AP2B1: variants seen among roughly 807,000 people sequenced by gnomAD.
The protein encoded by AP2B1 is AP-2 complex subunit beta.
A neutral mutation model predicts 102.0 loss-of-function variants in AP2B1; 23 were observed. The observed-to-expected ratio is 0.23, with a 90% CI of 0.16 to 0.32. AP2B1 has a LOEUF of 0.32. Ranked by LOEUF, AP2B1 falls within the 10% of genes least tolerant of loss-of-function variation. AP2B1 has a pLI of 1.00. For missense variants in AP2B1, 541 were observed against 1,157.4 expected, an observed-to-expected ratio of 0.47 and a Z score of 7.73; for synonymous variants, 381 against 421.2, an observed-to-expected ratio of 0.90 and a Z score of 1.17.
At chr17:35,609,173 A>T (rs530165083) in intron 5 of AP2B1, among the ~76,000 whole-genome samples, 54 of 152,256 alleles carry the variant, frequency 3.5e-4, no homozygotes, top group African/African-American at 1.3e-3. Flanking sequence ...CCTTTTAAAA[A>T]TTATTTATCT....
intron 16 of AP2B1, among the ~76,000 whole-genome samples, chr17:35,672,371 T>A (rs971453398): frequency 8.5e-5 from 13 of 152,224 alleles, no homozygotes; most frequent in African/African-American, 2.9e-4. Flanking sequence ...TCACTGGGGC[T>A]CTTCTTGTCT....
chr17:35,621,271 CT>C (rs996546917), intron 5 of AP2B1: 1 of 983,314 alleles, frequency 1.0e-6, no homozygotes, highest in African/African-American at 1.7e-5. Flanking sequence ...CTTTAAGATA[CT>C]TTAGATTCAG....
intron 5 of AP2B1, among the ~76,000 whole-genome samples, chr17:35,614,860 A>G (rs1425793841): frequency 6.6e-6 from 1 of 152,098 alleles, no homozygotes; most frequent in Non-Finnish European, 1.5e-5. Flanking sequence ...AGCAGTATGT[A>G]TTTTGACTAT....
intron 14 of AP2B1, among the ~76,000 whole-genome samples, chr17:35,668,347 A>G (rs1490390923): frequency 6.6e-6 from 1 of 152,092 alleles, no homozygotes; most frequent in Non-Finnish European, 1.5e-5. Flanking sequence ...CAGTGTTTTC[A>G]ACCTTGGCTG....
intron 13 of AP2B1, among the ~76,000 whole-genome samples, chr17:35,652,875 A>G (rs1301355991): frequency 6.6e-6 from 1 of 152,222 alleles, no homozygotes; most frequent in African/African-American, 2.4e-5. Context: ...AGAAGATGAC[A>G]GAATTTCATG....
intron 18 of AP2B1, among the ~76,000 whole-genome samples, chr17:35,684,768 C>T (rs2075895902): frequency 6.6e-6 from 1 of 152,162 alleles, no homozygotes; most frequent in Non-Finnish European, 1.5e-5. Context: ...CCATTGGCCA[C>T]AGAGCCTCAA....
chr17:35,710,410 C>G, intron 20 of AP2B1, 90 bp downstream of exon 20: 1 of 856,666 alleles, frequency 1.2e-6, no homozygotes, highest in East Asian at 2.7e-5. Context: ...ACCCTTTTAT[C>G]CTCCCCCGTA....
At chr17:35,644,816 T>C (rs991629917) in intron 12 of AP2B1, among the ~76,000 whole-genome samples, 2 of 152,116 alleles carry the variant, frequency 1.3e-5, no homozygotes, top group Admixed American at 1.3e-4. Context: ...GGCGGATCAC[T>C]TGAACTCAGG....
At chr17:35,646,666 G>A (rs1307336415) in intron 12 of AP2B1, among the ~76,000 whole-genome samples, 1 of 149,442 alleles carries the variant, frequency 6.7e-6, no homozygotes, top group Non-Finnish European at 1.5e-5. Flanking sequence ...GCTCACTGCA[G>A]CCTCCTCCGC....
At chr17:35,647,657 T>G (rs1424621249) in intron 12 of AP2B1, among the ~76,000 whole-genome samples, 1 of 152,090 alleles carries the variant, frequency 6.6e-6, no homozygotes, top group Non-Finnish European at 1.5e-5. Flanking sequence ...TAACCACCAA[T>G]CCATTATGAG....
intron 19 of AP2B1, 144 bp downstream of exon 19, chr17:35,709,452 C>G (rs1041654998): frequency 1.5e-6 from 1 of 655,784 alleles, no homozygotes; most frequent in Non-Finnish European, 2.7e-6. Context: ...AATAATTGCT[C>G]ATTATTTATT....
intron 18 of AP2B1, among the ~76,000 whole-genome samples, chr17:35,687,684 G>T (rs1693230141): frequency 6.6e-6 from 1 of 151,972 alleles, no homozygotes; most frequent in South Asian, 2.1e-4. Context: ...TCAAGTAGCT[G>T]GGACTACAGG....
rs566032885 is a variant in AP2B1, at chr17:35,634,798, A to G, written c.1156-1543A>G. ...GAAAATATGCTTGAAAGCTCCTACA[A>G]AATTTGGCGATTTCATTTCAGTAGG... On this transcript the variant is annotated intron_variant, in intron 9 of 21. Coordinates refer to ENST00000610402, the MANE Select transcript of AP2B1 (RefSeq NM_001030006.2). Among the ~76,000 whole-genome samples, 15 of 152,240 alleles carry G rather than the reference A, an allele frequency of 9.9e-5. No individual in the cohort carries two copies. The South Asian group carries it at 2.9e-3, about 29-fold the overall frequency.
intron 5 of AP2B1, among the ~76,000 whole-genome samples, chr17:35,615,059 G>A (rs2073975889): frequency 6.6e-6 from 1 of 152,062 alleles, no homozygotes; most frequent in Admixed American, 6.6e-5. Context: ...TCAGTGTACA[G>A]GACAGTCCCC....
At chr17:35,710,058 A>G (rs782525624) in intron 19 of AP2B1, among the ~76,000 whole-genome samples, 176 bp from the exon 20 acceptor site, 18 of 152,232 alleles carry the variant, frequency 1.2e-4, no homozygotes, top group Non-Finnish European at 1.8e-4. Flanking sequence ...CTGATGACGG[A>G]TTAATTGATC....
chr17:35,641,862 A>G lies in AP2B1; in HGVS notation c.1438-15A>G, dbSNP rs778368094. ...GTGCCATTCTTTCACACTATCACAA[A>G]TTATGTCTGTTTAGGTGCAGCTCAC... On this transcript the variant is annotated splice_polypyrimidine_tract_variant and intron_variant, in intron 11 of 21. Transcript: ENST00000610402. 15 of 1,588,720 alleles carry G rather than the reference A, an allele frequency of 9.4e-6. No homozygotes were observed. The highest frequency in any genetic ancestry group is 1.2e-5 in the Non-Finnish European group (14 of 1,160,362).
intron 18 of AP2B1, among the ~76,000 whole-genome samples, chr17:35,701,909 A>C (rs1036549334): frequency 2.0e-5 from 3 of 152,214 alleles, no homozygotes; most frequent in Non-Finnish European, 4.4e-5. Context: ...GGAGTGAGCC[A>C]CTGTACCAAG....
chr17:35,605,255 T>TA (rs1338757023), intron 3 of AP2B1, among the ~76,000 whole-genome samples: 219 of 151,144 alleles, frequency 1.4e-3, no homozygotes, highest in Non-Finnish European at 2.4e-3. Context: ...TTTTTTTCCT[T>TA]TTTTTTTTAG....
intron 21 of AP2B1, among the ~76,000 whole-genome samples, chr17:35,718,180 T>A (rs1417724800): frequency 6.6e-6 from 1 of 152,200 alleles, no homozygotes; most frequent in Non-Finnish European, 1.5e-5. Context: ...GAGAAAACTC[T>A]GTGACCCGTT....
Sources: gnomAD v4.1 joint callset for allele counts (sites outside exome capture counted in the v4.1 genomes callset) on GRCh38, gnomAD v4.1.1 for gene constraint, MANE v1.5 for transcripts, NCBI Gene and HGNC (gene_info 2026-07-23, HGNC 2026-07-21) for gene names.